Variants in RSRC1 observed in about 807,000 individuals in gnomAD.
RSRC1 encodes the protein serine/Arginine-related protein 53.
In RSRC1, 39 loss-of-function variants were observed where a neutral mutation model predicts 49.1. That is an observed-to-expected ratio of 0.79 (90% CI 0.61 to 1.04). The LOEUF (loss-of-function observed/expected upper bound fraction) is 1.04. Ranked by LOEUF, RSRC1 falls within the 50% of genes least tolerant of loss-of-function variation. The probability of loss-of-function intolerance (pLI) is 0.00; values close to 1 mark genes in which losing one functional copy is unlikely to be tolerated. For synonymous variants in RSRC1, 143 were observed against 130.8 expected (o/e 1.09, Z -0.63); for missense variants, 388 against 402.4 (o/e 0.96, Z 0.31).
chr3:158,339,298 CAAAAAAAAAAAA>C (rs57120150), intron 5 of RSRC1, among the ~76,000 whole-genome samples: 5 of 73,816 alleles, frequency 6.8e-5, no homozygotes, highest in Admixed American at 6.4e-4. Flanking sequence ...GACTCCGTCT[CAAAAAAAAAAAA>C]AAAAAAAAAA....
chr3:158,346,021 A>T (rs1730536003), intron 5 of RSRC1, among the ~76,000 whole-genome samples: 1 of 152,132 alleles, frequency 6.6e-6, no homozygotes. Context: ...TAAAAAATTA[A>T]TTGAAAGTCT....
intron 7 of RSRC1, among the ~76,000 whole-genome samples, chr3:158,509,833 C>T (rs980816353): frequency 2.6e-5 from 4 of 152,090 alleles, no homozygotes; most frequent in African/African-American, 7.2e-5. Context: ...CTTACTGATT[C>T]TCTTGTTGAT....
At chr3:158,495,261 T>C (rs1739270444) in intron 7 of RSRC1, among the ~76,000 whole-genome samples, 2 of 152,138 alleles carry the variant, frequency 1.3e-5, no homozygotes, top group African/African-American at 4.8e-5. Flanking sequence ...GAATTGTTTT[T>C]TGTTTTTGTT....
chr3:158,432,698 AT>A lies in RSRC1; in HGVS notation c.584-28234del, dbSNP rs553154720. On this transcript the variant is annotated intron_variant, in intron 6 of 9. Coordinates refer to ENST00000611884, the MANE Select transcript of RSRC1 (RefSeq NM_001271838.2). ...AATTTCATTCACATACTGTTTCTAA[AT>A]TTAGTACTATCCATGAAATATAAAC... is the stretch of plus-strand genomic sequence containing the variant. Among the ~76,000 whole-genome samples, 21 of 152,084 alleles carry A rather than the reference AT, an allele frequency of 1.4e-4. 2 individuals carry two copies. The South Asian group carries it at 3.7e-3, about 27-fold the overall frequency.
intron 7 of RSRC1, among the ~76,000 whole-genome samples, chr3:158,499,825 C>T (rs1560066610): frequency 1.3e-5 from 2 of 152,164 alleles, no homozygotes; most frequent in Non-Finnish European, 2.9e-5. Flanking sequence ...GACAGTTTGA[C>T]TCCCTCTTTA....
At chr3:158,488,525 T>C (rs965482643) in intron 7 of RSRC1, among the ~76,000 whole-genome samples, 2 of 152,208 alleles carry the variant, frequency 1.3e-5, no homozygotes, top group Non-Finnish European at 2.9e-5. Flanking sequence ...TCTCAACCAT[T>C]GCTGACCATA....
intron 6 of RSRC1, among the ~76,000 whole-genome samples, chr3:158,435,189 G>A (rs1735982412): frequency 6.6e-6 from 1 of 151,640 alleles, no homozygotes; most frequent in Admixed American, 6.6e-5. Context: ...TAAAATTTGT[G>A]TTTCAAGTGT....
chr3:158,257,307 A>G (rs1724621627), intron 4 of RSRC1, among the ~76,000 whole-genome samples: 1 of 151,702 alleles, frequency 6.6e-6, no homozygotes, highest in Non-Finnish European at 1.5e-5. Flanking sequence ...GATCATCTTT[A>G]TTTCTGCCTT....
chr3:158,339,867 C>G (rs1294231480), intron 5 of RSRC1, among the ~76,000 whole-genome samples: 1 of 152,102 alleles, frequency 6.6e-6, no homozygotes, highest in African/African-American at 2.4e-5. Flanking sequence ...CAGGGCATTA[C>G]AGGAAGACAG....
rs150282471 is a variant in RSRC1 at position 158,370,158 on chromosome 3, T to G, written c.583+15250T>G. Reference sequence around the variant, plus strand: ...CATTATATCATTTGTATTGGTATTGTCTCTGGATAGTGGGATTTAGGGTTA... The same window carrying G: ...CATTATATCATTTGTATTGGTATTGGCTCTGGATAGTGGGATTTAGGGTTA... On this transcript the variant is annotated intron_variant, in intron 6 of 9. Transcript: ENST00000611884. Among the ~76,000 whole-genome samples the G allele has an allele frequency of 4.6e-5, 7 of 152,088 alleles. No individual in the cohort carries two copies. In the East Asian group the frequency reaches 1.3e-3, roughly 29 times the overall value.
In RSRC1 at chr3:158,232,615, G is replaced by C. The variant is rs990977858; in HGVS notation, c.494+29370G>C. On this transcript the variant is annotated intron_variant, in intron 4 of 9. Coordinates refer to ENST00000611884, the MANE Select transcript of RSRC1 (RefSeq NM_001271838.2). ...GATACGTAGAAGTGAACTATGGCTTGTATTATAACACCTGCTCAATATCTT... is the reference window on the plus strand; with the variant it reads ...GATACGTAGAAGTGAACTATGGCTTCTATTATAACACCTGCTCAATATCTT... 2.0e-5 allele frequency among the ~76,000 whole-genome samples: 3 copies of C among 152,196 alleles called. No homozygotes were observed. In the South Asian group the frequency reaches 6.2e-4, roughly 32 times the overall value.
At chr3:158,174,963 T>A (rs142394027) in intron 3 of RSRC1, among the ~76,000 whole-genome samples, 1 of 152,100 alleles carries the variant, frequency 6.6e-6, no homozygotes, top group Non-Finnish European at 1.5e-5. Flanking sequence ...CTCTGTGCTC[T>A]ACATCCCTGC....
At chr3:158,138,506 T>C (rs1716543392) in intron 3 of RSRC1, among the ~76,000 whole-genome samples, 1 of 152,244 alleles carries the variant, frequency 6.6e-6, no homozygotes, top group African/African-American at 2.4e-5. Flanking sequence ...GCCCAGAGTT[T>C]ACCAAGGTGG....
intron 1 of RSRC1, among the ~76,000 whole-genome samples, chr3:158,113,517 C>T (rs1714565288): frequency 1.3e-5 from 2 of 151,816 alleles, no homozygotes; most frequent in African/African-American, 4.8e-5. Context: ...TACAGGCACG[C>T]TTCACCACGC....
At chr3:158,334,882 T>C (rs1054379603) in intron 5 of RSRC1, among the ~76,000 whole-genome samples, 3 of 152,126 alleles carry the variant, frequency 2.0e-5, no homozygotes, top group Non-Finnish European at 2.9e-5. Flanking sequence ...TACAAATACA[T>C]TGTGATTTGG....
intron 5 of RSRC1, among the ~76,000 whole-genome samples, chr3:158,339,155 G>C (rs912954878): frequency 6.6e-6 from 1 of 151,908 alleles, no homozygotes; most frequent in African/African-American, 2.4e-5. Flanking sequence ...AGCCGGGCGC[G>C]GTGGCGGGCG....
chr3:158,329,338 C>T (rs1224022270), intron 5 of RSRC1, among the ~76,000 whole-genome samples: 1 of 152,194 alleles, frequency 6.6e-6, no homozygotes, highest in Non-Finnish European at 1.5e-5. Context: ...TTCTGCTTTT[C>T]TGCTCTGTTT....
chr3:158,543,266 CAG>C, intron 8 of RSRC1, 67 bp from the exon 9 acceptor site: 2 of 1,315,100 alleles, frequency 1.5e-6, no homozygotes, highest in Non-Finnish European at 2.0e-6. Flanking sequence ...TATTCAAAAT[CAG>C]AAATATTTTT....
intron 5 of RSRC1, among the ~76,000 whole-genome samples, chr3:158,339,655 G>A (rs1030026524): frequency 5.3e-5 from 8 of 152,232 alleles, no homozygotes; most frequent in Middle Eastern, 3.4e-3. Context: ...ACACTAAGGA[G>A]GATTTTAAAG....
Sources: gnomAD v4.1 joint callset for allele counts (sites outside exome capture counted in the v4.1 genomes callset) on GRCh38, gnomAD v4.1.1 for gene constraint, MANE v1.5 for transcripts, NCBI Gene and HGNC (gene_info 2026-07-23, HGNC 2026-07-21) for gene names.